Variants in ASB17 observed in about 807,000 individuals in gnomAD.
ASB17 encodes ankyrin repeat and SOCS box protein 17.
Under a neutral mutation model 25.7 loss-of-function variants are expected in ASB17, and 26 were observed. The observed-to-expected ratio is 1.01, with a 90% CI of 0.74 to 1.40. The LOEUF is 1.40. Among genes scored for constraint, ASB17 ranks in the 40% most tolerant of loss-of-function variants. The pLI is 0.00. For synonymous variants in ASB17, 128 were observed against 121.4 expected, an observed-to-expected ratio of 1.05 and a Z score of -0.36; for missense variants, 326 against 338.5, an observed-to-expected ratio of 0.96 and a Z score of 0.29.
chr1:75,928,310 A>T (rs1439906653), intron 1 of ASB17, among the ~76,000 whole-genome samples: 1 of 152,236 alleles, frequency 6.6e-6, no homozygotes, highest in African/African-American at 2.4e-5. Context: ...CCCAATAAAT[A>T]ACATAGTGTC....
intron 1 of ASB17, among the ~76,000 whole-genome samples, chr1:75,928,220 T>C (rs1418368402): frequency 2.0e-5 from 3 of 152,200 alleles, no homozygotes; most frequent in Non-Finnish European, 2.9e-5. Flanking sequence ...GTGGCTATAA[T>C]TGCTGTTTAA....
chr1:75,926,791 T>C (rs1653184576), intron 1 of ASB17, among the ~76,000 whole-genome samples: 1 of 152,190 alleles, frequency 6.6e-6, no homozygotes, highest in African/African-American at 2.4e-5. Context: ...GCACTGTTTA[T>C]CTAGCCACGT....
chr1:75,922,372 C>T lies in ASB17; in HGVS notation c.402-13G>A. 1 of 1,522,312 alleles carries T rather than the reference C, an allele frequency of 6.6e-7. No individual in the cohort carries two copies. The highest frequency in any genetic ancestry group is 8.8e-7 in the Non-Finnish European group (1 of 1,135,596). 94.3% of individuals were successfully genotyped at this position (1,522,312 alleles called of 1,614,324 possible). ...TGGTGTGAAAGTTCTGTGAATTAAA[C>T]AAAACAAAAACTCATTGGATATAGA... On this transcript the variant is annotated splice_polypyrimidine_tract_variant and intron_variant, in intron 1 of 2. Coordinates refer to ENST00000284142, the MANE Select transcript of ASB17 (RefSeq NM_080868.3).
At chr1:75,925,760 T>C (rs1390049664) in intron 1 of ASB17, among the ~76,000 whole-genome samples, 1 of 152,222 alleles carries the variant, frequency 6.6e-6, no homozygotes, top group Non-Finnish European at 1.5e-5. Context: ...ATTCAGTTTT[T>C]TAGCTATAAT....
intron 1 of ASB17, 54 bp from the exon 2 acceptor site, chr1:75,922,413 A>C (rs1482515555): frequency 1.5e-5 from 20 of 1,337,038 alleles, no homozygotes; most frequent in Non-Finnish European, 1.9e-5. Context: ...GAAATGTGAC[A>C]AACACTTTAT....
chr1:75,923,565 T>C (rs950818721), intron 1 of ASB17, among the ~76,000 whole-genome samples: 1 of 152,200 alleles, frequency 6.6e-6, no homozygotes, highest in Admixed American at 6.5e-5. Context: ...ATTTTATTAA[T>C]GATTTTTGTC....
intron 2 of ASB17, among the ~76,000 whole-genome samples, chr1:75,921,754 G>C (rs1419211108): frequency 1.3e-5 from 2 of 152,100 alleles, no homozygotes; most frequent in African/African-American, 2.4e-5. Context: ...CTGTTGGAAA[G>C]GAAGTCTGTT....
At chr1:75,925,178 T>G (rs1453612543) in intron 1 of ASB17, among the ~76,000 whole-genome samples, 2 of 152,110 alleles carry the variant, frequency 1.3e-5, no homozygotes, top group Non-Finnish European at 2.9e-5. Context: ...ATATATGTCA[T>G]AGTAAAAAAT....
intron 2 of ASB17, among the ~76,000 whole-genome samples, chr1:75,921,654 C>T (rs1009641224): frequency 3.9e-5 from 6 of 152,162 alleles, no homozygotes; most frequent in Non-Finnish European, 5.9e-5. Flanking sequence ...TAATGCTTGA[C>T]GTTGCTTTGA....
chr1:75,931,082 C>A (rs899289855), intron 1 of ASB17, among the ~76,000 whole-genome samples: 1 of 152,214 alleles, frequency 6.6e-6, no homozygotes, highest in African/African-American at 2.4e-5. Context: ...TAGTCTTTAA[C>A]TGATCTTGTC....
rs774346181 is a variant in ASB17 at position 75,922,149 on chromosome 1, A to G, written c.612T>C (p.His204=). The G allele has an allele frequency of 1.9e-6, 3 of 1,613,780 alleles. No homozygotes were observed. The highest frequency in any genetic ancestry group is 2.2e-5 in the East Asian group (1 of 44,846). ...GTACCAAACATGTTTTGGCATCTTC[A>G]TGGATGTCAGCCAATTCACGATCAA... ...VMVDRELADI[H]EDAKTCLVLC... is the part of the protein sequence containing the mutation. The change falls in exon 2 of 3, where the codon CAT becomes CAC. Residue 204 remains histidine, a synonymous_variant. Transcript: ENST00000284142.
At chr1:75,928,545 C>T (rs1428005441) in intron 1 of ASB17, among the ~76,000 whole-genome samples, 2 of 151,958 alleles carry the variant, frequency 1.3e-5, no homozygotes, top group Non-Finnish European at 2.9e-5. Context: ...GGGAGGATGA[C>T]CAAAGAATGA....
At chr1:75,927,613 G>T (rs77372637) in intron 1 of ASB17, among the ~76,000 whole-genome samples, 3,495 of 152,166 alleles carry the variant, frequency 0.023, 157 homozygotes, top group African/African-American at 0.078. Flanking sequence ...TACTATGCAT[G>T]CTATGCAAAT....
chr1:75,922,490 T>A, intron 1 of ASB17, 131 bp from the exon 2 acceptor site: 10 of 234,140 alleles, frequency 4.3e-5, no homozygotes, highest in Non-Finnish European at 6.2e-5. Context: ...ATATGTTTCT[T>A]TTTTTTTTTT....
intron 1 of ASB17, among the ~76,000 whole-genome samples, chr1:75,924,578 T>C (rs967696924): frequency 1.3e-5 from 2 of 152,152 alleles, no homozygotes; most frequent in African/African-American, 4.8e-5. Context: ...TATATGTTTG[T>C]ATATACATAT....
chr1:75,922,466 T>A, intron 1 of ASB17, 107 bp from the exon 2 acceptor site: 1 of 619,210 alleles, frequency 1.6e-6, no homozygotes, highest in Non-Finnish European at 2.4e-6. Flanking sequence ...GTTAAATGTC[T>A]TAAATGTAAC....
At chr1:75,926,686 A>G (rs1277160896) in intron 1 of ASB17, among the ~76,000 whole-genome samples, 1 of 152,212 alleles carries the variant, frequency 6.6e-6, no homozygotes, top group East Asian at 1.9e-4. Context: ...AGCTTGGAAC[A>G]TAGTAGTGGA....
In ASB17 at chr1:75,922,089, C is replaced by T. The variant is rs142146544; in HGVS notation, c.672G>A (p.Lys224=). 2,718 of 1,600,878 alleles carry T rather than the reference C, an allele frequency of 1.7e-3. 28 individuals are homozygous for T. The highest frequency in any genetic ancestry group is 0.016 in the Admixed American group (951 of 59,032). Reference sequence around the variant, plus strand: ...AAAGTAGTTTTCTTACCTTTATTTCCTTGACTGAAATGACAGAAAGCACTC... The same window carrying T: ...AAAGTAGTTTTCTTACCTTTATTTCTTTGACTGAAATGACAGAAAGCACTC... ...CSRVLSVISV[K]EIKTQLSLGR... Residue 224 remains lysine, a synonymous_variant, in exon 2 of 3, where the codon AAG becomes AAA. Coordinates refer to ENST00000284142, the MANE Select transcript of ASB17 (RefSeq NM_080868.3).
intron 1 of ASB17, among the ~76,000 whole-genome samples, chr1:75,923,894 C>T (rs983958483): frequency 6.6e-6 from 1 of 151,954 alleles, no homozygotes; most frequent in African/African-American, 2.4e-5. Flanking sequence ...TACTTGCTTG[C>T]CTAGAGTGTA....
Sources: allele counts gnomAD v4.1 joint callset (sites outside exome capture counted in the v4.1 genomes callset), GRCh38; gene constraint gnomAD v4.1.1; transcripts MANE v1.5; gene names NCBI Gene and HGNC (gene_info 2026-07-23, HGNC 2026-07-21).